The following MCM3 variants were observed in gnomAD, a reference collection of about 807,000 sequenced individuals.
MCM3 encodes the protein DNA replication licensing factor MCM3.
MCM3 carries 59 observed loss-of-function variants against 91.3 expected under a neutral mutation model. That is an observed-to-expected ratio of 0.65 (90% CI 0.52 to 0.80). The LOEUF (loss-of-function observed/expected upper bound fraction) is 0.80, where lower values mean the gene tolerates loss of function less well. Among genes scored for constraint, MCM3 ranks in the 30% least tolerant of loss-of-function variants. The pLI is 0.00. For synonymous variants in MCM3, 383 were observed against 379.6 expected (o/e 1.01, Z -0.10); for missense variants, 919 against 1,035.4 (o/e 0.89, Z 1.54).
At chr6:52,272,249 G>C in intron 12 of MCM3, 52 bp downstream of exon 12, 1 of 1,556,082 alleles carries the variant, frequency 6.4e-7, no homozygotes, top group Non-Finnish European at 8.7e-7. Flanking sequence ...AGGGACTCCT[G>C]CCCAGCCATA....
chr6:52,277,500 GAAC>G (rs1421778596), intron 7 of MCM3, 32 bp downstream of exon 7: 5 of 1,589,494 alleles, frequency 3.1e-6, no homozygotes, highest in African/African-American at 2.7e-5. Context: ...CACTCCATCA[GAAC>G]AACAGTCTAA....
In MCM3 at chr6:52,279,462, A is replaced by G. The variant is rs751912918; in HGVS notation, c.669T>C (p.Asp223=). 1 of 1,614,158 alleles carries G rather than the reference A, an allele frequency of 6.2e-7. No homozygotes were observed. The highest frequency in any genetic ancestry group is 1.1e-5 in the South Asian group (1 of 91,084). Residue 223 remains aspartate, a synonymous_variant, in exon 5 of 17, where the codon GAT becomes GAC. Coordinates refer to ENST00000596288, the MANE Select transcript of MCM3 (RefSeq NM_002388.6). Reference sequence around the variant, plus strand: ...CAGGCTTCGCTTTATCCACCAAGTCATCATCCAGAATGACGTCCACAGAGC... The same window carrying G: ...CAGGCTTCGCTTTATCCACCAAGTCGTCATCCAGAATGACGTCCACAGAGC... ...LPRSVDVILD[D]DLVDKAKPGD...
chr6:52,278,519 T>C (rs906736974), intron 6 of MCM3, among the ~76,000 whole-genome samples: 2 of 152,158 alleles, frequency 1.3e-5, no homozygotes, highest in African/African-American at 2.4e-5. Flanking sequence ...TAGGCTCATT[T>C]AGCAGCCCAG....
intron 9 of MCM3, among the ~76,000 whole-genome samples, chr6:52,275,709 T>C (rs1213277247): frequency 6.6e-6 from 1 of 152,206 alleles, no homozygotes; most frequent in Non-Finnish European, 1.5e-5. Flanking sequence ...TACATCCCTG[T>C]GACGGAATAC....
intron 2 of MCM3, 67 bp downstream of exon 2, chr6:52,283,227 T>C (rs9474191): frequency 0.037 from 48,555 of 1,317,524 alleles, 2,619 homozygotes; most frequent in East Asian, 0.25. Flanking sequence ...TGAGAGGCTG[T>C]TCCAATCTGG....
At chr6:52,274,077 T>C (rs1185152896) in intron 9 of MCM3, among the ~76,000 whole-genome samples, 161 bp from the exon 10 acceptor site, 3 of 152,156 alleles carry the variant, frequency 2.0e-5, no homozygotes, top group Non-Finnish European at 4.4e-5. Context: ...CATTAAACAA[T>C]GTAAATCATC....
Position 52,273,882 on chromosome 6 carries a change from C to A in MCM3, c.1409G>T (p.Gly470Val). 1 of 1,613,796 alleles carries A rather than the reference C, an allele frequency of 6.2e-7. No individual in the cohort carries two copies. Residue 470 changes from glycine (G) to valine (V), a missense_variant, in exon 10 of 17, where the codon GGG becomes GTG. Transcript: ENST00000596288. ...TCGTGACAGCAGTGAGTCCTGTAGC[C>A]CAATGTTCTCCATTGGAGTCTTATA... is the stretch of plus-strand genomic sequence containing the variant. ...DQYKTPMENI[G>V]LQDSLLSRFD...
Position 52,264,605 on chromosome 6 carries a change from T to C in MCM3, c.2410A>G (p.Ile804Val). The change falls in exon 17 of 17, where the codon ATC becomes GTC. Residue 804 changes from isoleucine (I) to valine (V), a missense_variant. Coordinates refer to ENST00000596288, the MANE Select transcript of MCM3 (RefSeq NM_002388.6). ...AGGCCTCCTCAGATGAGGAAGATGA[T>C]GCCCTCAGACACCATGACCTGATTG... ...DDNQVMVSEG[I>V]IFLI 1.2e-6 allele frequency: 2 copies of C among 1,614,188 alleles called. No homozygotes were observed. Among genetic ancestry groups the C allele is most frequent in the Non-Finnish European group, 1.7e-6 (2 of 1,180,038 alleles).
chr6:52,265,112 CT>C (rs1334281760), intron 16 of MCM3: 1 of 382,380 alleles, frequency 2.6e-6, no homozygotes, highest in African/African-American at 2.1e-5. Flanking sequence ...TTTCTAGGAA[CT>C]CACCTTATAG....
At position 52,276,333 on chromosome 6, in the gene MCM3, C is replaced by T. The variant is rs1765561002; in HGVS notation, c.1309G>A (p.Gly437Ser). Reference sequence around the variant, plus strand: ...CGGGCATTCAGCCGAGCATGGATGCCAGCCTTGGCAATGGTCACTCGACCC... The same window carrying T: ...CGGGCATTCAGCCGAGCATGGATGCTAGCCTTGGCAATGGTCACTCGACCC... ...EQGRVTIAKA[G>S]IHARLNARCS... The change falls in exon 9 of 17, where the codon GGC becomes AGC. Residue 437 changes from glycine to serine, a missense_variant. By Grantham distance (56) the Gly-to-Ser change is moderately conservative (BLOSUM62 0). This residue lies in a region of MCM3 where 233 missense variants were observed against 321.2 expected (regional missense o/e 0.73). Coordinates refer to ENST00000596288, the MANE Select transcript of MCM3 (RefSeq NM_002388.6). 3 of 1,613,498 alleles carry T rather than the reference C, an allele frequency of 1.9e-6. No individual in the cohort carries two copies. The highest frequency in any genetic ancestry group is 1.3e-5 in the African/African-American group (1 of 74,896).
Position 52,276,307 on chromosome 6 carries a change from G to A in MCM3, c.1335C>T (p.Arg445=). The A allele has an allele frequency of 1.2e-6, 2 of 1,612,882 alleles. No individual in the cohort carries two copies. Among genetic ancestry groups the A allele is most frequent in the Non-Finnish European group, 1.7e-6 (2 of 1,179,950 alleles). The change falls in exon 9 of 17, where the codon CGC becomes CGT. Residue 445 remains arginine, a synonymous_variant. Coordinates refer to ENST00000596288, the MANE Select transcript of MCM3 (RefSeq NM_002388.6). ...KAGIHARLNA[R]CSVLAAANPV... ...GGTTGGCAGCTGCCAAAACACTGCAGCGGGCATTCAGCCGAGCATGGATGC... is the reference window on the plus strand; with the variant it reads ...GGTTGGCAGCTGCCAAAACACTGCAACGGGCATTCAGCCGAGCATGGATGC...
intron 11 of MCM3, among the ~76,000 whole-genome samples, chr6:52,272,697 G>C (rs1240607506): frequency 6.6e-6 from 1 of 152,178 alleles, no homozygotes; most frequent in East Asian, 1.9e-4. Flanking sequence ...TTGTAGGTGG[G>C]AAAACTACAG....
chr6:52,268,061 G>C, intron 13 of MCM3, 93 bp from the exon 14 acceptor site: 1 of 1,571,510 alleles, frequency 6.4e-7, no homozygotes. Flanking sequence ...TCATAAGCAG[G>C]AAAGACTTCC....
intron 6 of MCM3, among the ~76,000 whole-genome samples, chr6:52,278,092 A>AAG (rs1765751009): frequency 6.6e-6 from 1 of 151,046 alleles, no homozygotes; most frequent in Admixed American, 6.6e-5. Context: ...AAAAAAAAAA[A>AAG]AAAAAGAAAA....
intron 8 of MCM3, 75 bp downstream of exon 8, chr6:52,276,992 C>G (rs1394250738): frequency 2.0e-6 from 3 of 1,538,430 alleles, no homozygotes; most frequent in Non-Finnish European, 2.6e-6. Flanking sequence ...ATCTTCAGAA[C>G]ACAAGCCAGG....
At chr6:52,269,518 AATC>A (rs17240154) in intron 12 of MCM3, among the ~76,000 whole-genome samples, 213 of 152,300 alleles carry the variant, frequency 1.4e-3, no homozygotes, top group Middle Eastern at 3.4e-3. Flanking sequence ...AAGGGAGAAA[AATC>A]ATCAGTGATT....
intron 12 of MCM3, among the ~76,000 whole-genome samples, chr6:52,270,514 A>G (rs1303656694): frequency 6.6e-6 from 1 of 152,138 alleles, no homozygotes; most frequent in Admixed American, 6.5e-5. Context: ...CATTCATCAA[A>G]TCTTGTAATA....
At chr6:52,281,449 G>C (rs2128283684) in intron 4 of MCM3, among the ~76,000 whole-genome samples, 1 of 152,240 alleles carries the variant, frequency 6.6e-6, no homozygotes, top group African/African-American at 2.4e-5. Context: ...ATGGAAGCAG[G>C]AGGATCACTT....
intron 12 of MCM3, 23 bp from the exon 13 acceptor site, chr6:52,269,249 G>A (rs1026485616): frequency 1.9e-6 from 3 of 1,594,332 alleles, no homozygotes; most frequent in African/African-American, 2.7e-5. Context: ...AGGGAGGATT[G>A]CTTATCCCAA....
Sources: gnomAD v4.1 joint callset for allele counts (sites outside exome capture counted in the v4.1 genomes callset) on GRCh38, gnomAD v4.1.1 for gene constraint, gnomAD v4.1.1 regional missense constraint, MANE v1.5 for transcripts, NCBI Gene and HGNC (gene_info 2026-07-23, HGNC 2026-07-21) for gene names.